ASIC2: variants seen among roughly 807,000 people sequenced by gnomAD.
ASIC2 encodes acid-sensing ion channel 2.
Under a neutral mutation model 57.3 loss-of-function variants are expected in ASIC2, and 25 were observed. The observed-to-expected ratio is 0.44, with a 90% confidence interval of 0.32 to 0.61. ASIC2 has a LOEUF of 0.61. Among genes scored for constraint, ASIC2 ranks in the 20% least tolerant of loss-of-function variants. ASIC2 has a pLI of 0.06. For missense variants in ASIC2, 641 were observed against 738.1 expected (o/e 0.87, Z 1.52); for synonymous variants, 319 against 307.5 (o/e 1.04, Z -0.39).
chr17:33,362,791 T>C (rs1223812022), intron 1 of ASIC2, among the ~76,000 whole-genome samples: 2 of 152,240 alleles, frequency 1.3e-5, no homozygotes, highest in African/African-American at 2.4e-5. Context: ...TGTATATGTA[T>C]TACAATCACC....
intron 1 of ASIC2, among the ~76,000 whole-genome samples, chr17:33,894,553 C>T (rs546606524): frequency 7.2e-5 from 11 of 152,132 alleles, no homozygotes; most frequent in Non-Finnish European, 1.0e-4. Context: ...CACATTTTGC[C>T]GTTATTCAGA....
At chr17:34,132,341 A>C (rs565237637) in intron 1 of ASIC2, among the ~76,000 whole-genome samples, 3 of 152,256 alleles carry the variant, frequency 2.0e-5, no homozygotes, top group African/African-American at 7.2e-5. Flanking sequence ...GAAGAACAAA[A>C]CAACAAAGCT....
At chr17:33,217,457 T>C (rs1353277197) in intron 1 of ASIC2, among the ~76,000 whole-genome samples, 1 of 152,222 alleles carries the variant, frequency 6.6e-6, no homozygotes, top group Non-Finnish European at 1.5e-5. Context: ...GATTGCGTAG[T>C]CTATTTCCCA....
At chr17:33,588,714 A>C (rs1278931412) in intron 1 of ASIC2, among the ~76,000 whole-genome samples, 1 of 152,218 alleles carries the variant, frequency 6.6e-6, no homozygotes, top group Non-Finnish European at 1.5e-5. Flanking sequence ...CAGAGAGGGA[A>C]GGTGTTACCT....
At chr17:33,624,824 G>C (rs1905920951) in intron 1 of ASIC2, among the ~76,000 whole-genome samples, 2 of 152,176 alleles carry the variant, frequency 1.3e-5, no homozygotes, top group South Asian at 4.1e-4. Context: ...GTCAAAGGGA[G>C]GTCATTTTCA....
At chr17:33,163,673 A>C (rs1326226263) in intron 1 of ASIC2, among the ~76,000 whole-genome samples, 1 of 152,208 alleles carries the variant, frequency 6.6e-6, no homozygotes, top group South Asian at 2.1e-4. Context: ...ATTGAATAAA[A>C]CAGATGTAAG....
intron 1 of ASIC2, among the ~76,000 whole-genome samples, chr17:33,407,278 C>A (rs1303662529): frequency 6.6e-6 from 1 of 152,180 alleles, no homozygotes; most frequent in Non-Finnish European, 1.5e-5. Context: ...ACTGGCTGAT[C>A]TGGGATTTGA....
intron 1 of ASIC2, among the ~76,000 whole-genome samples, chr17:33,613,547 C>T (rs28373279): frequency 0.71 from 107,392 of 151,384 alleles, 38,296 homozygotes; most frequent in Middle Eastern, 0.77. Context: ...TGTGTTTTTT[C>T]TCGTAGAGAC....
At chr17:33,619,527 G>A (rs1905713780) in intron 1 of ASIC2, among the ~76,000 whole-genome samples, 1 of 152,170 alleles carries the variant, frequency 6.6e-6, no homozygotes, top group South Asian at 2.1e-4. Context: ...TTATAGGCAA[G>A]TGATTGCAGT....
intron 3 of ASIC2, among the ~76,000 whole-genome samples, chr17:33,048,454 G>A (rs538996675): frequency 3.3e-5 from 5 of 152,300 alleles, no homozygotes; most frequent in South Asian, 2.1e-4. Flanking sequence ...ACACTTGAAC[G>A]TATCTCTCAA....
At chr17:33,126,269 C>T (rs752318323) in intron 1 of ASIC2, among the ~76,000 whole-genome samples, 8 of 152,156 alleles carry the variant, frequency 5.3e-5, no homozygotes, top group Admixed American at 4.6e-4. Flanking sequence ...TTCTATGGGG[C>T]CTGAGTCATG....
chr17:33,745,687 C>G (rs1910239714), intron 1 of ASIC2, among the ~76,000 whole-genome samples: 1 of 151,988 alleles, frequency 6.6e-6, no homozygotes, highest in Non-Finnish European at 1.5e-5. Flanking sequence ...AACTGAGAAT[C>G]TAATGCCCAG....
chr17:33,823,798 G>A (rs1912822579), intron 1 of ASIC2, among the ~76,000 whole-genome samples: 1 of 152,124 alleles, frequency 6.6e-6, no homozygotes, highest in Non-Finnish European at 1.5e-5. Context: ...CCAGCTGCTG[G>A]CTTTTATCAC....
intron 1 of ASIC2, among the ~76,000 whole-genome samples, chr17:33,869,014 G>A (rs1187046156): frequency 6.6e-6 from 1 of 152,120 alleles, no homozygotes; most frequent in East Asian, 1.9e-4. Context: ...GCAGTGAGCT[G>A]TTATCTCAGC....
chr17:33,631,860 T>C (rs1163740087), intron 1 of ASIC2, among the ~76,000 whole-genome samples: 6 of 152,146 alleles, frequency 3.9e-5, no homozygotes, highest in Admixed American at 3.9e-4. Context: ...CATTTTCAAA[T>C]ATTTGATAAG....
intron 1 of ASIC2, among the ~76,000 whole-genome samples, chr17:33,734,033 T>C (rs1460334326): frequency 6.6e-6 from 1 of 152,156 alleles, no homozygotes; most frequent in East Asian, 1.9e-4. Context: ...GCAGTCTTAG[T>C]TGAGAGCCCT....
chr17:33,177,478 C>T (rs1325650376), intron 1 of ASIC2, among the ~76,000 whole-genome samples: 1 of 152,152 alleles, frequency 6.6e-6, no homozygotes, highest in East Asian at 1.9e-4. Context: ...ACACCAAACA[C>T]AAGTCACAAT....
chr17:33,535,434 G>A (rs1388035396), intron 1 of ASIC2, among the ~76,000 whole-genome samples: 18 of 152,034 alleles, frequency 1.2e-4, no homozygotes, highest in African/African-American at 2.2e-4. Flanking sequence ...CACCATGCCC[G>A]GCTAAGGTTT....
At chr17:33,228,992 C>T (rs1310324900) in intron 1 of ASIC2, among the ~76,000 whole-genome samples, 1 of 152,204 alleles carries the variant, frequency 6.6e-6, no homozygotes, top group Non-Finnish European at 1.5e-5. Flanking sequence ...CCCAGATATG[C>T]TCAGCAAGTT....
Sources: allele counts gnomAD v4.1 joint callset (sites outside exome capture counted in the v4.1 genomes callset), GRCh38; gene constraint gnomAD v4.1.1; transcripts MANE v1.5; gene names NCBI Gene and HGNC (gene_info 2026-07-23, HGNC 2026-07-21).